CCDC174: variants seen among roughly 807,000 people sequenced by gnomAD.
CCDC174 encodes the protein coiled-coil domain-containing protein 174.
A neutral mutation model predicts 57.1 loss-of-function variants in CCDC174; 37 were observed. The observed-to-expected ratio is 0.65, with a 90% confidence interval of 0.50 to 0.85. CCDC174 has a LOEUF of 0.85. CCDC174 is among the 40% of genes least tolerant of loss of function. The pLI is 0.00. For synonymous variants in CCDC174, 182 were observed against 190.2 expected (o/e 0.96, Z 0.35); for missense variants, 540 against 574.3 (o/e 0.94, Z 0.61).
Position 14,666,832 on chromosome 3 carries a change from C to A in CCDC174, c.609C>A (p.Thr203=), listed in dbSNP as rs140126783. ...TTATTAGTCCTGCTAATGAAAAAAC[C>A]CTATTATCTGAAGATATGAGAAAAG... ...RLFISPANEK[T]LLSEDMRKEL... is the part of the protein sequence containing the mutation. The change falls in exon 7 of 11, where the codon ACC becomes ACA. Residue 203 remains threonine (T), a synonymous_variant. Transcript: ENST00000383794. 129 of 1,587,592 alleles carry A rather than the reference C, an allele frequency of 8.1e-5. No individual in the cohort carries two copies. In the East Asian group the frequency reaches 2.5e-3, roughly 30 times the overall value.
chr3:14,659,832 T>C lies in CCDC174; in HGVS notation c.307+903T>C, dbSNP rs567078672. ...AATCAGGGAAGTCTTTTGGGAGAAG[T>C]TGGGCTTAGCTTTGGCAAGCTGGAG... On this transcript the variant is annotated intron_variant, in intron 4 of 10. Transcript: ENST00000383794. Among the ~76,000 whole-genome samples the C allele has an allele frequency of 9.9e-5, 15 of 152,186 alleles. No individual in the cohort carries two copies. In the East Asian group the frequency reaches 2.9e-3, roughly 29 times the overall value.
chr3:14,661,315 A>G (rs2031126629), intron 4 of CCDC174, among the ~76,000 whole-genome samples: 1 of 147,852 alleles, frequency 6.8e-6, no homozygotes, highest in South Asian at 2.3e-4. Flanking sequence ...TTGATGAGGC[A>G]ATAGAAAACT....
At chr3:14,667,220 T>G in intron 7 of CCDC174, 1 of 619,760 alleles carries the variant, frequency 1.6e-6, no homozygotes, top group Non-Finnish European at 2.8e-6. Flanking sequence ...CTTGTTATGC[T>G]TCCCTTGGCA....
chr3:14,654,322 C>T lies in CCDC174; in HGVS notation c.43-104C>T. 9.0e-6 allele frequency: 6 copies of T among 670,062 alleles called. No individual in the cohort carries two copies. In the East Asian group the frequency reaches 1.4e-4, roughly 16 times the overall value. 41.5% of individuals were successfully genotyped at this position (670,062 alleles called of 1,614,324 possible). A position where few individuals can be genotyped will look rare whatever the true frequency, so the allele number is the denominator to read the frequency against. On this transcript the variant is annotated intron_variant, in intron 1 of 10. Transcript: ENST00000383794. ...ATTTAGTTTTTTAGCCATATTTGTC[C>T]ATTTAGCGGAACTTGAAATATTCCT...
At chr3:14,655,113 C>T (rs1413646986) in intron 2 of CCDC174, among the ~76,000 whole-genome samples, 4 of 152,210 alleles carry the variant, frequency 2.6e-5, no homozygotes, top group South Asian at 4.1e-4. Flanking sequence ...CCCAGGAGTT[C>T]GAGACCCGCC....
At chr3:14,659,034 C>A (rs996839068) in intron 4 of CCDC174, 105 bp downstream of exon 4, 1 of 1,128,974 alleles carries the variant, frequency 8.9e-7, no homozygotes, top group Non-Finnish European at 1.2e-6. Context: ...AAAATTTAGA[C>A]GTCAAAATTT....
At chr3:14,661,738 A>G (rs1428071318) in intron 5 of CCDC174, 31 bp downstream of exon 5, 1 of 1,563,810 alleles carries the variant, frequency 6.4e-7, no homozygotes, top group South Asian at 1.2e-5. Flanking sequence ...GCTCAGAGGA[A>G]CATCCTCAGA....
intron 9 of CCDC174, among the ~76,000 whole-genome samples, chr3:14,669,053 A>G (rs1575073971): frequency 6.6e-6 from 1 of 152,274 alleles, no homozygotes. Context: ...CAGCCTATGC[A>G]TTTACATCCT....
chr3:14,662,719 G>A (rs1251030177), intron 5 of CCDC174, among the ~76,000 whole-genome samples: 1 of 152,148 alleles, frequency 6.6e-6, no homozygotes, highest in African/African-American at 2.4e-5. Flanking sequence ...CATTTGTTAG[G>A]AACTGCTCAG....
chr3:14,667,340 T>G (rs2031375028), intron 7 of CCDC174, 84 bp from the exon 8 acceptor site: 4 of 1,035,550 alleles, frequency 3.9e-6, no homozygotes, highest in Non-Finnish European at 5.9e-6. Flanking sequence ...CTGTGTTTCT[T>G]TTTGCTTTGG....
chr3:14,656,480 A>C (rs544149602), intron 3 of CCDC174, among the ~76,000 whole-genome samples: 1 of 152,336 alleles, frequency 6.6e-6, no homozygotes, highest in East Asian at 1.9e-4. Flanking sequence ...TAAGAATACT[A>C]TGTGGGCAGT....
chr3:14,657,649 G>C (rs532998127), intron 3 of CCDC174, among the ~76,000 whole-genome samples: 43 of 152,248 alleles, frequency 2.8e-4, no homozygotes, highest in African/African-American at 1.0e-3. Context: ...TCTCATCCCT[G>C]CCTGTCTCTG....
rs2030786672 is a variant in CCDC174 at position 14,652,034 on chromosome 3, G to T, written c.42+156G>T. The stretch of plus-strand genomic sequence containing the variant: ...CCGAACTGGATTTTCTTCTCCGGCG[G>T]GGATCCGGTTCAGTTTTCTTACAGG... On this transcript the variant is annotated intron_variant, in intron 1 of 10. Transcript: ENST00000383794. 2.6e-5 allele frequency among the ~76,000 whole-genome samples: 4 copies of T among 152,278 alleles called. No homozygotes were observed. In the South Asian group the frequency reaches 8.3e-4, roughly 32 times the overall value.
intron 2 of CCDC174, among the ~76,000 whole-genome samples, chr3:14,655,046 GT>G (rs1236239114): frequency 6.6e-6 from 1 of 152,202 alleles, no homozygotes; most frequent in Non-Finnish European, 1.5e-5. Context: ...GCTGGGCGTG[GT>G]TCCCACGCCT....
At chr3:14,667,052 A>T in intron 7 of CCDC174, 105 bp downstream of exon 7, 1 of 973,312 alleles carries the variant, frequency 1.0e-6, no homozygotes. Flanking sequence ...CATGGAAATT[A>T]AAGATCCTGC....
rs557101691 is a variant in CCDC174, at chr3:14,651,886, A to G, written c.42+8A>G. Reference sequence around the variant, plus strand: ...GACGTCACGGCCTCCTCGGTGAGTGAGGGTATGAGGTAACTCCACGGGCTC... The same window carrying G: ...GACGTCACGGCCTCCTCGGTGAGTGGGGGTATGAGGTAACTCCACGGGCTC... On this transcript the variant is annotated splice_region_variant and intron_variant, in intron 1 of 10. Transcript: ENST00000383794. 6.8e-6 allele frequency: 11 copies of G among 1,613,650 alleles called. No individual in the cohort carries two copies. The Admixed American group carries it at 1.2e-4, about 17-fold the overall frequency.
At chr3:14,664,635 CTG>C (rs1405324544) in intron 5 of CCDC174, among the ~76,000 whole-genome samples, 1 of 152,154 alleles carries the variant, frequency 6.6e-6, no homozygotes, top group Non-Finnish European at 1.5e-5. Flanking sequence ...GACTTGAAGA[CTG>C]TGAGGAAATG....
rs374255925 is a variant in CCDC174 at position 14,665,038 on chromosome 3, G to A, written c.496G>A (p.Val166Met). ...QDPSEEWVDY[V>M]DSLGRSRRCM... ...TTGCTTTCATTTCAGGGTGGATTAC[G>A]TGGACTCTTTGGGGCGTTCCCGGCG... Residue 166 changes from valine to methionine, a missense_variant, in exon 6 of 11, where the codon GTG (valine) becomes ATG (methionine). Physicochemically the swap from Val to Met is conservative, Grantham distance 21. Coordinates refer to ENST00000383794, the MANE Select transcript of CCDC174 (RefSeq NM_016474.5). The A allele has an allele frequency of 3.6e-5, 58 of 1,613,460 alleles. No homozygotes were observed. The Admixed American group carries it at 3.8e-4, about 11-fold the overall frequency.
In CCDC174 at chr3:14,671,558, C is replaced by A; in HGVS notation, c.*364C>A. The A allele has an allele frequency of 5.7e-6, 1 of 175,990 alleles. No individual in the cohort carries two copies. The highest frequency in any genetic ancestry group is 1.2e-5 in the Non-Finnish European group (1 of 83,960). The allele number at this position is 175,990 out of a possible 1,614,324, so 10.9% of individuals were successfully genotyped here. On this transcript the variant is annotated 3_prime_UTR_variant, in exon 11 of 11. Transcript: ENST00000383794. The stretch of plus-strand genomic sequence containing the variant: ...CATTCCTTTTGCAAATCCGAGCATG[C>A]AGGTGTCTTTATTCCAAGGGTTCAG...
Sources: allele counts gnomAD v4.1 joint callset (sites outside exome capture counted in the v4.1 genomes callset), GRCh38; gene constraint gnomAD v4.1.1; transcripts MANE v1.5; gene names NCBI Gene and HGNC (gene_info 2026-07-23, HGNC 2026-07-21).